RFX6: variants seen among roughly 807,000 people sequenced by gnomAD.
RFX6 encodes the protein regulatory factor X6, also known as DNA-binding protein RFX6.
Under a neutral mutation model 110.8 loss-of-function variants are expected in RFX6, and 50 were observed. The ratio of observed to expected loss-of-function variants is 0.45; its 90% CI spans 0.36 to 0.57. The LOEUF (loss-of-function observed/expected upper bound fraction) is 0.57, where lower values mean the gene tolerates loss of function less well. Ranked by LOEUF, RFX6 falls within the 20% of genes least tolerant of loss-of-function variation. RFX6 has a pLI of 0.00. For missense variants in RFX6, 990 were observed against 1,127.0 expected (o/e 0.88, Z 1.74); for synonymous variants, 383 against 411.2 (o/e 0.93, Z 0.83).
At position 116,928,739 on chromosome 6, in the gene RFX6, C is replaced by G. The variant is rs989755807; in HGVS notation, c.2399-20C>G. 1.3e-6 allele frequency: 2 copies of G among 1,576,428 alleles called. No individual in the cohort carries two copies. The highest frequency in any genetic ancestry group is 1.7e-6 in the Non-Finnish European group (2 of 1,145,804). On this transcript the variant is annotated intron_variant, in intron 17 of 18. Coordinates refer to ENST00000332958, the MANE Select transcript of RFX6 (RefSeq NM_173560.4). ...CTTTGTAGTAAGTTAACAGCAAATTCTCAACATTTTCTGTTACAGGATACT... is the reference window on the plus strand; with the variant it reads ...CTTTGTAGTAAGTTAACAGCAAATTGTCAACATTTTCTGTTACAGGATACT...
chr6:116,896,500 A>G (rs1774947367), intron 6 of RFX6, among the ~76,000 whole-genome samples: 1 of 152,218 alleles, frequency 6.6e-6, no homozygotes, highest in Non-Finnish European at 1.5e-5. Flanking sequence ...TATTTTCATA[A>G]CACAATTGAA....
chr6:116,900,163 G>A (rs909203292), intron 6 of RFX6, among the ~76,000 whole-genome samples: 2 of 152,138 alleles, frequency 1.3e-5, no homozygotes, highest in Non-Finnish European at 2.9e-5. Context: ...AAGGCAGAAT[G>A]AATTTTTGGA....
chr6:116,884,765 C>T (rs1013377532), intron 4 of RFX6: 1 of 151,996 alleles, frequency 6.6e-6, no homozygotes, highest in African/African-American at 2.4e-5. Flanking sequence ...CACAGTGGGG[C>T]TCTAGTACTT....
At chr6:116,896,790 C>T (rs1387174464) in intron 6 of RFX6, among the ~76,000 whole-genome samples, 1 of 152,150 alleles carries the variant, frequency 6.6e-6, no homozygotes, top group African/African-American at 2.4e-5. Flanking sequence ...TCATATACGT[C>T]AGTTCATTTG....
chr6:116,921,921 G>A, intron 12 of RFX6, 121 bp from the exon 13 acceptor site: 2 of 655,464 alleles, frequency 3.1e-6, no homozygotes, highest in Non-Finnish European at 5.4e-6. Flanking sequence ...ACATTTATCT[G>A]TCTTTCCCTT....
intron 6 of RFX6, among the ~76,000 whole-genome samples, chr6:116,900,142 A>G (rs1247654135): frequency 6.6e-6 from 1 of 152,242 alleles, no homozygotes; most frequent in Non-Finnish European, 1.5e-5. Flanking sequence ...AAACTCTTTC[A>G]TATCTTGCTG....
Position 116,928,864 on chromosome 6 carries a change from G to A in RFX6, c.2504G>A (p.Ser835Asn), listed in dbSNP as rs752156214. Reference protein sequence around the residue: ...ISSIRSLPPYSDIHDPLNILD... With the variant: ...ISSIRSLPPYNDIHDPLNILD... ...AGCATTCGTTCACTGCCCCCCTACA[G>A]TGACATCCACGATCCACTTAACATT... is the stretch of plus-strand genomic sequence containing the variant. Residue 835 changes from serine (S) to asparagine (N), a missense_variant, in exon 18 of 19, where the codon AGT becomes AAT. Ser to Asn is a conservative substitution (Grantham distance 46). Coordinates refer to ENST00000332958, the MANE Select transcript of RFX6 (RefSeq NM_173560.4). The A allele has an allele frequency of 1.2e-6, 2 of 1,613,876 alleles. No homozygotes were observed. The highest frequency in any genetic ancestry group is 1.7e-5 in the Admixed American group (1 of 60,012).
intron 11 of RFX6, 82 bp downstream of exon 11, chr6:116,919,378 C>T (rs1775543925): frequency 1.5e-6 from 2 of 1,296,128 alleles, no homozygotes; most frequent in Non-Finnish European, 1.1e-6. Context: ...GAGGAACTTT[C>T]ATAGATTGAA....
At chr6:116,908,171 C>G (rs899144928) in intron 6 of RFX6, among the ~76,000 whole-genome samples, 1 of 152,082 alleles carries the variant, frequency 6.6e-6, no homozygotes, top group Admixed American at 6.6e-5. Flanking sequence ...CACTTTCTAG[C>G]ATCTTGTAAC....
chr6:116,909,594 TCA>T (rs1775286252), intron 6 of RFX6, among the ~76,000 whole-genome samples: 1 of 150,146 alleles, frequency 6.7e-6, no homozygotes. Flanking sequence ...TGCTATTATA[TCA>T]GTTTATGATA....
At chr6:116,908,675 CACACACACACACAG>C (rs960471382) in intron 6 of RFX6, among the ~76,000 whole-genome samples, 14 of 87,822 alleles carry the variant, frequency 1.6e-4, no homozygotes, top group South Asian at 4.6e-4. Flanking sequence ...AGCATACACA[CACACACACACACAG>C]ACACACACAC....
intron 17 of RFX6, among the ~76,000 whole-genome samples, chr6:116,928,454 C>A (rs1415627586): frequency 2.6e-5 from 4 of 152,104 alleles, no homozygotes; most frequent in Non-Finnish European, 5.9e-5. Flanking sequence ...GGAAATCTGA[C>A]AGAAGTGTAA....
chr6:116,882,940 T>C (rs965679919), intron 4 of RFX6, among the ~76,000 whole-genome samples: 1 of 151,972 alleles, frequency 6.6e-6, no homozygotes, highest in Non-Finnish European at 1.5e-5. Flanking sequence ...TGTCACACAT[T>C]CCCCCTCTTT....
At chr6:116,912,721 G>T (rs1046951457) in intron 7 of RFX6, among the ~76,000 whole-genome samples, 2 of 152,082 alleles carry the variant, frequency 1.3e-5, no homozygotes, top group African/African-American at 4.8e-5. Flanking sequence ...GACCAAAAAG[G>T]CAAGCAACAA....
At position 116,880,011 on chromosome 6, in the gene RFX6, T is replaced by C. The variant is rs902808085; in HGVS notation, c.381-533T>C. On this transcript the variant is annotated intron_variant, in intron 2 of 18. Coordinates refer to ENST00000332958, the MANE Select transcript of RFX6 (RefSeq NM_173560.4). ...AGTAAAAAGTATAGGAATAGAAATA[T>C]ATCAGTGTCATTTCAGACTTAAGTA... Among the ~76,000 whole-genome samples, 13 of 152,114 alleles carry C rather than the reference T, an allele frequency of 8.5e-5. No homozygotes were observed. In the East Asian group the frequency reaches 2.5e-3, roughly 29 times the overall value.
intron 13 of RFX6, among the ~76,000 whole-genome samples, 169 bp downstream of exon 13, chr6:116,922,320 T>C (rs1171697823): frequency 6.6e-6 from 1 of 152,154 alleles, no homozygotes; most frequent in East Asian, 1.9e-4. Context: ...AAATTAGGAA[T>C]ATGTCAAGAT....
chr6:116,911,510 CTG>C (rs1775350837), intron 7 of RFX6, among the ~76,000 whole-genome samples: 1 of 152,078 alleles, frequency 6.6e-6, no homozygotes, highest in Non-Finnish European at 1.5e-5. Flanking sequence ...TTCTAAAATT[CTG>C]TGTTCTCTTA....
rs1444500835 is a variant in RFX6, at chr6:116,877,899, C to T, written c.327C>T (p.Thr109=). ...AADQYLSQKK[T]ITQIVKDKKK... ...ATCAATACCTGTCTCAGAAGAAAAC[C>T]ATCACGCAGATTGTGAAGGATAAAA... Residue 109 remains threonine (T), a synonymous_variant, in exon 2 of 19, where the codon ACC becomes ACT. Transcript: ENST00000332958. 6.2e-7 allele frequency: 1 copy of T among 1,614,000 alleles called. No homozygotes were observed. Among genetic ancestry groups the T allele is most frequent in the African/African-American group, 1.3e-5 (1 of 74,908 alleles).
At chr6:116,914,989 A>G (rs1057439087) in intron 7 of RFX6, among the ~76,000 whole-genome samples, 3 of 152,220 alleles carry the variant, frequency 2.0e-5, no homozygotes, top group African/African-American at 7.2e-5. Context: ...GTAAGTGGCA[A>G]ATTAGAGCTG....
Sources: gnomAD v4.1 joint callset for allele counts (sites outside exome capture counted in the v4.1 genomes callset) on GRCh38, gnomAD v4.1.1 for gene constraint, MANE v1.5 for transcripts, NCBI Gene and HGNC (gene_info 2026-07-23, HGNC 2026-07-21) for gene names.